TMEM92: variants seen among roughly 807,000 people sequenced by gnomAD.
The protein encoded by TMEM92 is transmembrane protein 92.
A neutral mutation model predicts 14.6 loss-of-function variants in TMEM92; 15 were observed. The ratio of observed to expected loss-of-function variants is 1.03; its 90% CI spans 0.69 to 1.58. TMEM92 has a LOEUF of 1.58. Among genes scored for constraint, TMEM92 ranks in the 40% most tolerant of loss-of-function variants. The pLI is 0.00. For missense variants in TMEM92, 174 were observed against 202.4 expected (o/e 0.86, Z 0.85); for synonymous variants, 85 against 83.3 (o/e 1.02, Z -0.11).
Position 50,279,235 on chromosome 17 carries a change from C to T in TMEM92, c.407C>T (p.Pro136Leu). The T allele has an allele frequency of 6.2e-7, 1 of 1,613,946 alleles. No homozygotes were observed. The highest frequency in any genetic ancestry group is 2.2e-5 in the East Asian group (1 of 44,868). ...AGCCTGGGCCCAACTCCCACAGAGC[C>T]ACCCCCTCCCTACAGCTTCAGGCCT... is the stretch of plus-strand genomic sequence containing the variant. The part of the protein sequence containing the change: ...KPSLGPTPTE[P>L]PPPYSFRPEE... The change falls in exon 5 of 5, where the codon CCA (proline) becomes CTA (leucine). Residue 136 changes from proline (P) to leucine (L), a missense_variant. Pro to Leu is a moderately conservative substitution (Grantham distance 98, BLOSUM62 -3). Transcript: ENST00000507382.
At position 50,278,690 on chromosome 17, in the gene TMEM92, C is replaced by T. The variant is rs1910510306; in HGVS notation, c.170+60C>T. The T allele has an allele frequency of 2.5e-6, 4 of 1,591,276 alleles. No homozygotes were observed. The Admixed American group carries it at 5.3e-5, about 21-fold the overall frequency. On this transcript the variant is annotated intron_variant, in intron 3 of 4. Transcript: ENST00000507382. ...TTGGAGGGGCCTGGTCCTGTGTGGA[C>T]AAGGCCAGGCACCTGCCGAGGGGGC...
In TMEM92 at chr17:50,279,608, G is replaced by A. The variant is rs907433059; in HGVS notation, c.*300G>A. 1 of 350,504 alleles carries A rather than the reference G, an allele frequency of 2.9e-6. No individual in the cohort carries two copies. Among genetic ancestry groups the A allele is most frequent in the Admixed American group, 4.8e-5 (1 of 20,996 alleles). The allele number at this position is 350,504 out of a possible 1,614,324, so 21.7% of individuals were successfully genotyped here. ...GTAGAATGGGCTACTGTGAGGGGTA[G>A]TAAGAGCCCCATTTCTGGAGGTATG... On this transcript the variant is annotated 3_prime_UTR_variant, in exon 5 of 5. Transcript: ENST00000507382.
In TMEM92 at chr17:50,278,913, C is replaced by A. The variant is rs143844371; in HGVS notation, c.283C>A (p.Arg95=). ...GGAGCCAGACAGCCCAGTGGATTGC[C>A]GGGGGCCCCTGGAACTGCCCTCCAT... ...EPEPDSPVDC[R]GPLELPSIIP... Residue 95 remains arginine (R), a synonymous_variant, in exon 4 of 5, where the codon CGG becomes AGG. Transcript: ENST00000507382. 6.2e-7 allele frequency: 1 copy of A among 1,613,616 alleles called. No homozygotes were observed. The highest frequency in any genetic ancestry group is 1.7e-5 in the Admixed American group (1 of 59,992).
rs970590698 is a variant in TMEM92, at chr17:50,280,193, T to G, written c.*885T>G. 6.6e-6 allele frequency: 1 copy of G among 152,270 alleles called. No individual in the cohort carries two copies. The highest frequency in any genetic ancestry group is 1.5e-5 in the Non-Finnish European group (1 of 68,072). 9.4% of individuals were successfully genotyped at this position (152,270 alleles called of 1,614,324 possible). Reference sequence around the variant, plus strand: ...GAAGCAGCCCTGGGACAGCCCATTCTGCTGTTGATAGCAGGAAACCACCTG... The same window carrying G: ...GAAGCAGCCCTGGGACAGCCCATTCGGCTGTTGATAGCAGGAAACCACCTG... On this transcript the variant is annotated 3_prime_UTR_variant, in exon 5 of 5. Transcript: ENST00000507382.
chr17:50,278,686 T>C, intron 3 of TMEM92, 56 bp downstream of exon 3: 1 of 1,594,100 alleles, frequency 6.3e-7, no homozygotes, highest in Non-Finnish European at 8.6e-7. Flanking sequence ...TGGTCCTGTG[T>C]GGACAAGGCC....
chr17:50,277,878 C>T (rs73987471), intron 2 of TMEM92, 138 bp downstream of exon 2: 18 of 1,132,158 alleles, frequency 1.6e-5, no homozygotes, highest in Non-Finnish European at 2.2e-5. Context: ...ACTGTCCCCC[C>T]ACTTTCCCAG....
intron 2 of TMEM92, 152 bp downstream of exon 2, chr17:50,277,892 A>C (rs1322517294): frequency 1.0e-6 from 1 of 985,126 alleles, no homozygotes; most frequent in Non-Finnish European, 1.5e-6. Flanking sequence ...TTCCCAGCCA[A>C]AGAGGGAGAC....
Position 50,278,947 on chromosome 17 carries a change from C to T in TMEM92, c.317C>T (p.Pro106Leu), listed in dbSNP as rs368920477. The T allele has an allele frequency of 6.2e-6, 10 of 1,613,034 alleles. No homozygotes were observed. Among genetic ancestry groups the T allele is most frequent in the Non-Finnish European group, 5.9e-6 (7 of 1,179,562 alleles). The change falls in exon 4 of 5, where the codon CCA becomes CTA. Residue 106 changes from proline to leucine, a missense_variant. Transcript: ENST00000507382. ...GPLELPSIIPPERVRVSLSAP... is the reference protein window; with the variant it reads ...GPLELPSIIPLERVRVSLSAP... The stretch of plus-strand genomic sequence containing the variant: ...CTGGAACTGCCCTCCATCATCCCCC[C>T]AGAGAGGGTCAGAGTATCCCTTTCT...
chr17:50,278,374 G>A (rs1320048226), intron 2 of TMEM92, among the ~76,000 whole-genome samples, 182 bp from the exon 3 acceptor site: 2 of 152,188 alleles, frequency 1.3e-5, no homozygotes, highest in Non-Finnish European at 2.9e-5. Context: ...GGGCACAAGT[G>A]CACACGCCCT....
intron 3 of TMEM92, 84 bp downstream of exon 3, chr17:50,278,714 G>A: frequency 1.3e-6 from 2 of 1,576,374 alleles, no homozygotes; most frequent in Non-Finnish European, 1.7e-6. Context: ...TGCCGAGGGG[G>A]CAGTGTGGGC....
chr17:50,279,039 G>A (rs766339216), intron 4 of TMEM92, 43 bp downstream of exon 4: 1 of 1,475,442 alleles, frequency 6.8e-7, no homozygotes, highest in Admixed American at 1.7e-5. Flanking sequence ...CTGGCCGGCT[G>A]TGCAGCAGAG....
intron 2 of TMEM92, 127 bp downstream of exon 2, chr17:50,277,867 A>C (rs1833304341): frequency 1.6e-6 from 2 of 1,230,648 alleles, no homozygotes; most frequent in South Asian, 2.6e-5. Flanking sequence ...TCCAGCCAGA[A>C]ACTGTCCCCC....
rs1910541104 is a variant in TMEM92 at position 50,279,384 on chromosome 17, C to G, written c.*76C>G. On this transcript the variant is annotated 3_prime_UTR_variant, in exon 5 of 5. Transcript: ENST00000507382. Reference sequence around the variant, plus strand: ...CCTGGATCAAGCTAGAGACTGCTGGCACCCCAGGAATGTCCCTGCCCATCC... The same window carrying G: ...CCTGGATCAAGCTAGAGACTGCTGGGACCCCAGGAATGTCCCTGCCCATCC... The G allele has an allele frequency of 2.5e-6, 3 of 1,196,696 alleles. No individual in the cohort carries two copies. The highest frequency in any genetic ancestry group is 2.5e-5 in the South Asian group (2 of 80,842). 74.1% of individuals were successfully genotyped at this position (1,196,696 alleles called of 1,614,324 possible). A position where few individuals can be genotyped will look rare whatever the true frequency, so the allele number is the denominator to read the frequency against.
rs1285668836 is a variant in TMEM92 at position 50,279,972 on chromosome 17, C to T, written c.*664C>T. On this transcript the variant is annotated 3_prime_UTR_variant, in exon 5 of 5. Transcript: ENST00000507382. ...TCCATGGGCCGCCCTCGGAGAGAGG[C>T]TTGTTCTAGATGTATTGGCTGTCTG... 1 of 152,996 alleles carries T rather than the reference C, an allele frequency of 6.5e-6. No homozygotes were observed. The highest frequency in any genetic ancestry group is 1.5e-5 in the Non-Finnish European group (1 of 68,688). 9.5% of individuals were successfully genotyped at this position (152,996 alleles called of 1,614,324 possible).
intron 1 of TMEM92, among the ~76,000 whole-genome samples, chr17:50,275,571 C>G (rs1037983427): frequency 1.3e-5 from 2 of 152,128 alleles, no homozygotes; most frequent in Admixed American, 1.3e-4. Flanking sequence ...ACCACCCTGA[C>G]GCTCCATAAA....
At chr17:50,272,330 G>C (rs1598327802), upstream of TMEM92, among the ~76,000 whole-genome samples, 4 of 152,172 alleles carry the variant, frequency 2.6e-5, no homozygotes, top group East Asian at 7.7e-4. Context: ...CCTCCTCTAA[G>C]CTCAACCATT....
intron 2 of TMEM92, 142 bp from the exon 3 acceptor site, chr17:50,278,414 C>G (rs112755599): frequency 2.4e-6 from 2 of 836,644 alleles, no homozygotes; most frequent in African/African-American, 1.7e-5. Flanking sequence ...GAGCTCAGAG[C>G]GGGGGCCATA....
intron 4 of TMEM92, 59 bp from the exon 5 acceptor site, chr17:50,279,136 T>G: frequency 6.5e-7 from 1 of 1,550,354 alleles, no homozygotes; most frequent in Admixed American, 1.7e-5. Flanking sequence ...TCAGCTGGGA[T>G]GGGGGAGTGG....
rs1042882667 is a variant in TMEM92, at chr17:50,279,416, G to A, written c.*108G>A. On this transcript the variant is annotated 3_prime_UTR_variant, in exon 5 of 5. Transcript: ENST00000507382. ...GGAATGTCCCTGCCCATCCTGCCGT[G>A]TCTCTGTTCATTCTTGGATTTAACT... 22 of 868,396 alleles carry A rather than the reference G, an allele frequency of 2.5e-5. No individual in the cohort carries two copies. The African/African-American group carries it at 3.4e-4, about 13-fold the overall frequency. The allele number at this position is 868,396 out of a possible 1,614,324, so 53.8% of individuals were successfully genotyped here. A position where few individuals can be genotyped will look rare whatever the true frequency, so the allele number is the denominator to read the frequency against.
Sources: allele counts gnomAD v4.1 joint callset (sites outside exome capture counted in the v4.1 genomes callset), GRCh38; gene constraint gnomAD v4.1.1; transcripts MANE v1.5; gene names NCBI Gene and HGNC (gene_info 2026-07-23, HGNC 2026-07-21).